Variants in CDH12 observed in about 807,000 individuals in gnomAD.
CDH12 encodes the protein cadherin 12.
In CDH12, 41 loss-of-function variants were observed where a neutral mutation model predicts 74.1. That is an observed-to-expected ratio of 0.55 (90% CI 0.43 to 0.72). The LOEUF (loss-of-function observed/expected upper bound fraction) is 0.72, where lower values mean the gene tolerates loss of function less well. Ranked by LOEUF, CDH12 falls within the 30% of genes least tolerant of loss-of-function variation. The probability of loss-of-function intolerance (pLI) is 0.00; values close to 1 mark genes in which losing one functional copy is unlikely to be tolerated. For missense variants in CDH12, 945 were observed against 977.2 expected (o/e 0.97, Z 0.44); for synonymous variants, 399 against 355.0 (o/e 1.12, Z -1.39).
chr5:22,294,843 C>A (rs578143368), intron 3 of CDH12, among the ~76,000 whole-genome samples: 1 of 152,322 alleles, frequency 6.6e-6, no homozygotes, highest in East Asian at 1.9e-4. Flanking sequence ...TTATCTGCTT[C>A]TTTGAGCTAT....
chr5:22,081,906 A>C (rs1742755226), intron 4 of CDH12, among the ~76,000 whole-genome samples: 1 of 152,174 alleles, frequency 6.6e-6, no homozygotes, highest in Non-Finnish European at 1.5e-5. Flanking sequence ...TTAGTGAATA[A>C]GTGATTGGTA....
chr5:21,888,198 G>C (rs1245542677), intron 6 of CDH12, among the ~76,000 whole-genome samples: 1 of 152,068 alleles, frequency 6.6e-6, no homozygotes, highest in African/African-American at 2.4e-5. Context: ...ATCTAAGAAA[G>C]GACAAAAGAA....
intron 1 of CDH12, among the ~76,000 whole-genome samples, chr5:22,774,806 G>A (rs564209172): frequency 3.0e-4 from 45 of 152,068 alleles, no homozygotes; most frequent in Middle Eastern, 3.4e-3. Flanking sequence ...ATAAAGATGA[G>A]AACAATTAAC....
intron 4 of CDH12, among the ~76,000 whole-genome samples, chr5:22,163,272 G>A (rs1748472147): frequency 1.3e-5 from 2 of 152,106 alleles, no homozygotes; most frequent in South Asian, 4.1e-4. Context: ...CTCATCCAAT[G>A]TCAGGACTTT....
chr5:22,229,656 A>C (rs538698887), intron 3 of CDH12, among the ~76,000 whole-genome samples: 1 of 152,088 alleles, frequency 6.6e-6, no homozygotes, highest in South Asian at 2.1e-4. Context: ...TTTTCTCCAA[A>C]TGATTCTAGG....
chr5:22,717,918 A>C (rs1472485554), intron 1 of CDH12, among the ~76,000 whole-genome samples: 4 of 152,162 alleles, frequency 2.6e-5, no homozygotes, highest in African/African-American at 9.7e-5. Context: ...CCACAAAGAA[A>C]AAAAAAGCAT....
intron 5 of CDH12, among the ~76,000 whole-genome samples, chr5:21,976,637 G>A (rs927276829): frequency 6.6e-6 from 1 of 151,246 alleles, no homozygotes; most frequent in Non-Finnish European, 1.5e-5. Flanking sequence ...TGCTCATTTG[G>A]GTATAGCCAT....
chr5:21,759,970 G>A (rs141822060), intron 13 of CDH12, among the ~76,000 whole-genome samples: 2 of 152,184 alleles, frequency 1.3e-5, no homozygotes, highest in Admixed American at 6.5e-5. Flanking sequence ...GTTTGCTAAA[G>A]ATAATAGCCT....
intron 3 of CDH12, among the ~76,000 whole-genome samples, chr5:22,345,961 C>A (rs1040940943): frequency 6.6e-6 from 1 of 151,920 alleles, no homozygotes; most frequent in Non-Finnish European, 1.5e-5. Context: ...AAAAAATTAG[C>A]TGGCTGTGGT....
rs116469620 is a variant in CDH12 at position 22,324,571 on chromosome 5, T to G, written c.-333+80686A>C. On this transcript the variant is annotated intron_variant, in intron 3 of 14. Coordinates refer to ENST00000382254, the MANE Select transcript of CDH12 (RefSeq NM_004061.5). The stretch of plus-strand genomic sequence containing the variant: ...TAAAAAAGAGTACATATGAGAAAAC[T>G]TTAAACTTTTTATTACAATAAATAA... 5.2e-3 allele frequency among the ~76,000 whole-genome samples: 796 copies of G among 151,868 alleles called. 6 individuals are homozygous for G. The highest frequency in any genetic ancestry group is 0.018 in the African/African-American group (765 of 41,530).
In CDH12 at chr5:21,902,649, T is replaced by G. The variant is rs139021767; in HGVS notation, c.527-47859A>C. On this transcript the variant is annotated intron_variant, in intron 6 of 14. Transcript: ENST00000382254. ...TGAGTGCTAATAGAACTTTTTGCAG[T>G]GACAGAAATGTTCTCTATCTGCTCT... Among the ~76,000 whole-genome samples, 310 of 152,316 alleles carry G rather than the reference T, an allele frequency of 2.0e-3. 2 individuals are homozygous for G. The highest frequency in any genetic ancestry group is 7.0e-3 in the African/African-American group (293 of 41,580).
intron 5 of CDH12, among the ~76,000 whole-genome samples, chr5:22,060,792 A>C (rs1346193575): frequency 1.3e-5 from 2 of 152,104 alleles, no homozygotes; most frequent in Non-Finnish European, 2.9e-5. Context: ...TTCCAAAGCA[A>C]AGGGCCACAT....
intron 6 of CDH12, among the ~76,000 whole-genome samples, chr5:21,913,864 GGA>G (rs1287421322): frequency 6.6e-6 from 1 of 151,956 alleles, no homozygotes; most frequent in South Asian, 2.1e-4. Flanking sequence ...TTTCATTTTT[GGA>G]GAGATAGGAG....
At chr5:22,579,611 A>G (rs1561504707) in intron 1 of CDH12, among the ~76,000 whole-genome samples, 1 of 152,004 alleles carries the variant, frequency 6.6e-6, no homozygotes, top group East Asian at 1.9e-4. Flanking sequence ...ACATACCCTA[A>G]TTTTCTTTTC....
intron 2 of CDH12, among the ~76,000 whole-genome samples, chr5:22,408,038 A>G (rs943149085): frequency 6.6e-6 from 1 of 152,038 alleles, no homozygotes; most frequent in African/African-American, 2.4e-5. Context: ...AAATCTTCCC[A>G]TTTCAGTCAG....
intron 1 of CDH12, among the ~76,000 whole-genome samples, chr5:22,669,250 G>A (rs1740782059): frequency 1.3e-5 from 2 of 152,032 alleles, no homozygotes; most frequent in South Asian, 2.1e-4. Context: ...GTTGCTAGAA[G>A]AATAAAGAAA....
intron 3 of CDH12, among the ~76,000 whole-genome samples, chr5:22,287,201 T>C (rs1737178047): frequency 6.6e-6 from 1 of 152,176 alleles, no homozygotes; most frequent in African/African-American, 2.4e-5. Context: ...CTGCTAATGC[T>C]TTGTAAGAAG....
chr5:21,794,950 T>C (rs572148254), intron 10 of CDH12, among the ~76,000 whole-genome samples: 118 of 151,794 alleles, frequency 7.8e-4, no homozygotes, highest in African/African-American at 2.7e-3. Context: ...TTATTTTTCA[T>C]GGCATGCTTT....
At chr5:22,603,032 C>T (rs558626383) in intron 1 of CDH12, among the ~76,000 whole-genome samples, 10 of 152,218 alleles carry the variant, frequency 6.6e-5, no homozygotes, top group African/African-American at 2.2e-4. Flanking sequence ...ATCACTTTCT[C>T]CTTACTCAAG....
Sources: allele counts gnomAD v4.1 joint callset (sites outside exome capture counted in the v4.1 genomes callset), GRCh38; gene constraint gnomAD v4.1.1; transcripts MANE v1.5; gene names NCBI Gene and HGNC (gene_info 2026-07-23, HGNC 2026-07-21).